FER: variants seen among roughly 807,000 people sequenced by gnomAD.
FER encodes the protein tyrosine-protein kinase Fer.
In FER, 63 loss-of-function variants were observed where a neutral mutation model predicts 111.0. That is an observed-to-expected ratio of 0.57 (90% CI 0.46 to 0.70). FER has a LOEUF of 0.70. Among genes scored for constraint, FER ranks in the 30% least tolerant of loss-of-function variants. The pLI is 0.00. For synonymous variants in FER, 327 were observed against 313.9 expected, an observed-to-expected ratio of 1.04 and a Z score of -0.44; for missense variants, 914 against 954.0, an observed-to-expected ratio of 0.96 and a Z score of 0.55.
chr5:108,929,784 AACG>A (rs1754306177), intron 10 of FER, among the ~76,000 whole-genome samples: 1 of 152,188 alleles, frequency 6.6e-6, no homozygotes, highest in Non-Finnish European at 1.5e-5. Context: ...TCAGGGGAAA[AACG>A]TACAAAATAC....
chr5:109,191,110 A>G lies in FER; in HGVS notation c.*3535A>G, dbSNP rs1232365437. Reference sequence around the variant, plus strand: ...TCAAGAAGAAAGTGTTTTAGTTACAACATACGCCACCCACTGAGGACCTTG... The same window carrying G: ...TCAAGAAGAAAGTGTTTTAGTTACAGCATACGCCACCCACTGAGGACCTTG... On this transcript the variant is annotated 3_prime_UTR_variant, in exon 20 of 20. Coordinates refer to ENST00000281092, the MANE Select transcript of FER (RefSeq NM_005246.4). The G allele has an allele frequency of 6.6e-6, 1 of 152,200 alleles. No individual in the cohort carries two copies. Among genetic ancestry groups the G allele is most frequent in the African/African-American group, 2.4e-5 (1 of 41,466 alleles). 9.4% of individuals were successfully genotyped at this position (152,200 alleles called of 1,614,324 possible). A position where few individuals can be genotyped will look rare whatever the true frequency, so the allele number is the denominator to read the frequency against.
intron 6 of FER, 97 bp from the exon 7 acceptor site, chr5:108,871,268 A>C: frequency 1.0e-6 from 1 of 990,770 alleles, no homozygotes; most frequent in South Asian, 1.7e-5. Context: ...ACATTTCAAC[A>C]TTACATTTCT....
At chr5:109,099,173 CTTTT>C (rs897709914) in intron 16 of FER, among the ~76,000 whole-genome samples, 11 of 151,254 alleles carry the variant, frequency 7.3e-5, no homozygotes, top group African/African-American at 1.9e-4. Context: ...TACTTTAACT[CTTTT>C]TTTAATAGTG....
Position 109,111,692 on chromosome 5 carries a change from G to A in FER, c.2048+11173G>A, listed in dbSNP as rs554921560. On this transcript the variant is annotated intron_variant, in intron 17 of 19. Coordinates refer to ENST00000281092, the MANE Select transcript of FER (RefSeq NM_005246.4). Reference sequence around the variant, plus strand: ...AGGAAACTTACAATCATGGCAGAAGGCGAAGAGGGAGTAAGCACTTTCTTC... The same window carrying A: ...AGGAAACTTACAATCATGGCAGAAGACGAAGAGGGAGTAAGCACTTTCTTC... Among the ~76,000 whole-genome samples the A allele has an allele frequency of 3.3e-5, 5 of 152,192 alleles. No individual in the cohort carries two copies. The East Asian group carries it at 9.7e-4, about 29-fold the overall frequency.
chr5:109,022,591 A>T (rs2149834332), intron 13 of FER, among the ~76,000 whole-genome samples: 1 of 152,250 alleles, frequency 6.6e-6, no homozygotes, highest in Middle Eastern at 3.4e-3. Context: ...GACATGTGAC[A>T]TTGGGCCCCA....
intron 10 of FER, among the ~76,000 whole-genome samples, chr5:108,933,185 T>C (rs1252726204): frequency 1.3e-5 from 2 of 152,192 alleles, no homozygotes; most frequent in Non-Finnish European, 2.9e-5. Flanking sequence ...ATGTCCTGAA[T>C]GGTATTGCCT....
At chr5:109,165,973 G>GT (rs1468103196) in intron 17 of FER, among the ~76,000 whole-genome samples, 1 of 152,092 alleles carries the variant, frequency 6.6e-6, no homozygotes, top group East Asian at 1.9e-4. Flanking sequence ...GGGGAAAGGG[G>GT]TTGTCAGCTG....
intron 13 of FER, among the ~76,000 whole-genome samples, chr5:109,002,203 C>T (rs1289259039): frequency 2.0e-5 from 3 of 151,796 alleles, no homozygotes; most frequent in African/African-American, 4.8e-5. Context: ...GGAGGCATCA[C>T]GCTACCTGAC....
At chr5:109,094,360 A>C (rs947351546) in intron 16 of FER, among the ~76,000 whole-genome samples, 2 of 152,162 alleles carry the variant, frequency 1.3e-5, no homozygotes, top group South Asian at 2.1e-4. Context: ...CCGAAATTCA[A>C]AATGCTCCTT....
At chr5:108,765,971 C>T (rs1752275633) in intron 1 of FER, among the ~76,000 whole-genome samples, 1 of 151,608 alleles carries the variant, frequency 6.6e-6, no homozygotes, top group African/African-American at 2.4e-5. Flanking sequence ...ACTTTATTGC[C>T]TAGGCTGGAG....
intron 10 of FER, among the ~76,000 whole-genome samples, chr5:108,933,022 A>G (rs1320020012): frequency 2.6e-5 from 4 of 151,200 alleles, no homozygotes; most frequent in Non-Finnish European, 5.9e-5. Flanking sequence ...GATTGCAAAA[A>G]TTTTCTCCCA....
At chr5:108,771,353 C>T (rs1156375904) in intron 2 of FER, among the ~76,000 whole-genome samples, 1 of 151,914 alleles carries the variant, frequency 6.6e-6, no homozygotes, top group Non-Finnish European at 1.5e-5. Context: ...CTATTTTTTC[C>T]ACTTTGCATA....
intron 13 of FER, among the ~76,000 whole-genome samples, chr5:109,006,070 C>G (rs754883671): frequency 6.6e-6 from 1 of 152,162 alleles, no homozygotes; most frequent in Non-Finnish European, 1.5e-5. Flanking sequence ...CACAAAGCTA[C>G]TTATATGCTT....
chr5:109,088,470 C>CA (rs1277064314), intron 16 of FER, among the ~76,000 whole-genome samples: 3 of 152,000 alleles, frequency 2.0e-5, no homozygotes, highest in Admixed American at 6.6e-5. Flanking sequence ...CAAATAGAAT[C>CA]ATCTAAGTAG....
Position 109,196,538 on chromosome 5 carries a change from A to G in FER, c.*8963A>G, listed in dbSNP as rs1759755810. 6.6e-6 allele frequency: 1 copy of G among 152,208 alleles called. No individual in the cohort carries two copies. The highest frequency in any genetic ancestry group is 2.4e-5 in the African/African-American group (1 of 41,452). 9.4% of individuals were successfully genotyped at this position (152,208 alleles called of 1,614,324 possible). On this transcript the variant is annotated 3_prime_UTR_variant, in exon 20 of 20. Transcript: ENST00000281092. Reference sequence around the variant, plus strand: ...CTGGCTTTATAAACAAGTCTGAAAAATGGATGAAAGCTAAATATATAAAGC... The same window carrying G: ...CTGGCTTTATAAACAAGTCTGAAAAGTGGATGAAAGCTAAATATATAAAGC...
Position 109,052,407 on chromosome 5 carries a change from G to A in FER, c.1924+5209G>A. 7.8e-6 allele frequency: 12 copies of A among 1,532,012 alleles called. No individual in the cohort carries two copies. In the South Asian group the frequency reaches 1.2e-4, roughly 16 times the overall value. 94.9% of individuals were successfully genotyped at this position (1,532,012 alleles called of 1,614,324 possible). A position where few individuals can be genotyped will look rare whatever the true frequency, so the allele number is the denominator to read the frequency against. On this transcript the variant is annotated intron_variant, in intron 16 of 19. Coordinates refer to ENST00000281092, the MANE Select transcript of FER (RefSeq NM_005246.4). ...GCCACACCTTCCCTCCAGCAGTTAA[G>A]TAGGCTTGAACCTTGTCAAGGAGTT...
chr5:108,821,244 A>G (rs1442639033), intron 3 of FER, among the ~76,000 whole-genome samples: 1 of 152,232 alleles, frequency 6.6e-6, no homozygotes, highest in East Asian at 1.9e-4. Flanking sequence ...TGATTTATCA[A>G]GTAACCTTAG....
intron 3 of FER, among the ~76,000 whole-genome samples, chr5:108,805,620 TCAG>T (rs1757125190): frequency 6.6e-6 from 1 of 152,160 alleles, no homozygotes; most frequent in African/African-American, 2.4e-5. Flanking sequence ...TGAGGTAGTC[TCAG>T]ATAGAGATGA....
intron 3 of FER, among the ~76,000 whole-genome samples, chr5:108,821,445 C>T (rs1561467845): frequency 6.6e-6 from 1 of 152,070 alleles, no homozygotes; most frequent in African/African-American, 2.4e-5. Context: ...GAAGGAGTTT[C>T]ATATATGTAA....
Sources: gnomAD v4.1 joint callset for allele counts (sites outside exome capture counted in the v4.1 genomes callset) on GRCh38, gnomAD v4.1.1 for gene constraint, MANE v1.5 for transcripts, NCBI Gene and HGNC (gene_info 2026-07-23, HGNC 2026-07-21) for gene names.